Variants in HS6ST3 observed in about 807,000 individuals in gnomAD.
HS6ST3 encodes heparan-sulfate 6-O-sulfotransferase 3.
In HS6ST3, 12 loss-of-function variants were observed where a neutral mutation model predicts 36.7. That is an observed-to-expected ratio of 0.33 (90% CI 0.21 to 0.53). The LOEUF (loss-of-function observed/expected upper bound fraction) is 0.53, where lower values mean the gene tolerates loss of function less well. Among genes scored for constraint, HS6ST3 ranks in the 20% least tolerant of loss-of-function variants. The pLI, the probability that HS6ST3 is intolerant of heterozygous loss-of-function variation, is 0.95. For missense variants in HS6ST3, 584 were observed against 640.9 expected (o/e 0.91, Z 0.96); for synonymous variants, 240 against 257.5 (o/e 0.93, Z 0.65).
chr13:96,511,282 C>T (rs1221398174), intron 1 of HS6ST3, among the ~76,000 whole-genome samples: 1 of 151,966 alleles, frequency 6.6e-6, no homozygotes, highest in African/African-American at 2.4e-5. Flanking sequence ...TAGAGGTTGC[C>T]GGGTCAGAGT....
At chr13:96,702,654 G>A (rs1594840325) in intron 1 of HS6ST3, among the ~76,000 whole-genome samples, 1 of 152,118 alleles carries the variant, frequency 6.6e-6, no homozygotes, top group African/African-American at 2.4e-5. Flanking sequence ...TTGCTTGCAG[G>A]TACAGAAAAA....
At chr13:96,212,686 G>A (rs78342702) in intron 1 of HS6ST3, among the ~76,000 whole-genome samples, 1,755 of 152,190 alleles carry the variant, frequency 0.012, 36 homozygotes, top group African/African-American at 0.041. Flanking sequence ...TAGAGTTTAT[G>A]TTATTTTATC....
chr13:96,544,405 G>T (rs1029733293), intron 1 of HS6ST3, among the ~76,000 whole-genome samples: 3 of 152,178 alleles, frequency 2.0e-5, no homozygotes, highest in African/African-American at 7.2e-5. Context: ...CATGGCTAGT[G>T]TGTGGAAGAA....
At chr13:96,624,125 G>A (rs1032865715) in intron 1 of HS6ST3, among the ~76,000 whole-genome samples, 6 of 151,970 alleles carry the variant, frequency 3.9e-5, no homozygotes, top group African/African-American at 1.2e-4. Flanking sequence ...ATGCACACAC[G>A]TGTTTATGTG....
chr13:96,403,605 C>T (rs902743926), intron 1 of HS6ST3, among the ~76,000 whole-genome samples: 2 of 151,984 alleles, frequency 1.3e-5, no homozygotes, highest in Non-Finnish European at 2.9e-5. Flanking sequence ...AAAAAAAATC[C>T]CCGTGAGAAT....
Position 96,835,851 on chromosome 13 carries a change from A to T in HS6ST3, c.*2653A>T, listed in dbSNP as rs1566465442. 2 of 152,160 alleles carry T rather than the reference A, an allele frequency of 1.3e-5. No individual in the cohort carries two copies. Among genetic ancestry groups the T allele is most frequent in the Non-Finnish European group, 2.9e-5 (2 of 68,030 alleles). 9.4% of individuals were successfully genotyped at this position (152,160 alleles called of 1,614,324 possible). ...CTGAAGGCATGATGTATGCGGCTCC[A>T]CTTGAGACCAGGTATCAGGATGTTC... On this transcript the variant is annotated 3_prime_UTR_variant, in exon 2 of 2. Transcript: ENST00000376705.
At chr13:96,809,636 C>T (rs1878271922) in intron 1 of HS6ST3, among the ~76,000 whole-genome samples, 1 of 152,192 alleles carries the variant, frequency 6.6e-6, no homozygotes, top group Admixed American at 6.5e-5. Flanking sequence ...TGCAATGACT[C>T]TGAGCTCCCA....
intron 1 of HS6ST3, among the ~76,000 whole-genome samples, chr13:96,351,335 T>TTTTTTTTTTTTTTAAAAA (rs1203595829): frequency 1.4e-5 from 2 of 146,408 alleles, no homozygotes; most frequent in African/African-American, 5.2e-5. Flanking sequence ...TTTTTTTTTT[T>TTTTTTTTTTTTTTAAAAA]AAAAAAAACA....
intron 1 of HS6ST3, among the ~76,000 whole-genome samples, chr13:96,223,489 T>C (rs2054465451): frequency 6.6e-6 from 1 of 152,208 alleles, no homozygotes; most frequent in African/African-American, 2.4e-5. Context: ...GCAGTGTTGA[T>C]ATACACAGAG....
chr13:96,554,682 T>C (rs1220246316), intron 1 of HS6ST3, among the ~76,000 whole-genome samples: 7 of 152,132 alleles, frequency 4.6e-5, no homozygotes, highest in Non-Finnish European at 8.8e-5. Flanking sequence ...CCTCCAGGCA[T>C]GGAGCCTAGG....
intron 1 of HS6ST3, among the ~76,000 whole-genome samples, chr13:96,298,150 G>A (rs2054864223): frequency 6.6e-6 from 1 of 152,156 alleles, no homozygotes; most frequent in Non-Finnish European, 1.5e-5. Flanking sequence ...AAATGGTCCA[G>A]CTTGCTAGAT....
intron 1 of HS6ST3, among the ~76,000 whole-genome samples, chr13:96,387,652 G>C (rs2055375035): frequency 6.6e-6 from 1 of 152,046 alleles, no homozygotes; most frequent in Non-Finnish European, 1.5e-5. Context: ...TCTATACTGG[G>C]GGAAAATGTG....
intron 1 of HS6ST3, chr13:96,169,899 G>T (rs1010865050): frequency 1.3e-5 from 2 of 152,256 alleles, no homozygotes; most frequent in African/African-American, 2.4e-5. Flanking sequence ...AGGGGCTACA[G>T]ATGTGAGGAG....
At position 96,091,512 on chromosome 13, in the gene HS6ST3, A is replaced by G. The variant is rs1448166117; in HGVS notation, c.650A>G (p.Asn217Ser). 1.9e-6 allele frequency: 3 copies of G among 1,597,562 alleles called. No individual in the cohort carries two copies. Among genetic ancestry groups the G allele is most frequent in the Non-Finnish European group, 8.5e-7 (1 of 1,174,910 alleles). ...CACGCCGACTGGACGGAGCTCACCA[A>G]CTGCGTGCCGGCCATCATGGAGAAG... The part of the protein sequence containing the change: ...GLHADWTELT[N>S]CVPAIMEKKD... Residue 217 changes from asparagine (N) to serine (S), a missense_variant, in exon 1 of 2, where the codon AAC (asparagine) becomes AGC (serine). This residue lies in a region of HS6ST3 where 360 missense variants were observed against 411.3 expected (regional missense o/e 0.88). Transcript: ENST00000376705.
In HS6ST3 at chr13:96,725,670, ATGTG is replaced by A. The variant is rs371549749; in HGVS notation, c.708-106801_708-106798del. Among the ~76,000 whole-genome samples the A allele has an allele frequency of 5.4e-5, 8 of 148,514 alleles. No homozygotes were observed. In the East Asian group the frequency reaches 9.8e-4, roughly 18 times the overall value. ...AGAACACAGTTTTTCACTGAATTGC[ATGTG>A]TGTGTGTGTGTGTGTGTGATTGTGT... On this transcript the variant is annotated intron_variant, in intron 1 of 1. Transcript: ENST00000376705.
rs116409036 is a variant in HS6ST3 at position 96,224,751 on chromosome 13, G to A, written c.707+133182G>A. On this transcript the variant is annotated intron_variant, in intron 1 of 1. Coordinates refer to ENST00000376705, the MANE Select transcript of HS6ST3 (RefSeq NM_153456.4). ...TAGAATTAGGCAGTGCTTGGTCATC[G>A]AAGGTTACAGAGCCACCTAATTGTT... is the stretch of plus-strand genomic sequence containing the variant. 8.2e-3 allele frequency among the ~76,000 whole-genome samples: 1,244 copies of A among 152,312 alleles called. 21 individuals carry two copies. Among genetic ancestry groups the A allele is most frequent in the African/African-American group, 0.028 (1,174 of 41,568 alleles).
chr13:96,112,621 A>ATG, intron 1 of HS6ST3, among the ~76,000 whole-genome samples: 1 of 131,214 alleles, frequency 7.6e-6, no homozygotes, highest in African/African-American at 2.8e-5. Flanking sequence ...ATATATATAT[A>ATG]TGCCCGGCTG....
intron 1 of HS6ST3, among the ~76,000 whole-genome samples, chr13:96,759,357 G>T (rs935222544): frequency 2.0e-5 from 3 of 151,530 alleles, no homozygotes; most frequent in Non-Finnish European, 4.4e-5. Flanking sequence ...TCAGTTTTCT[G>T]TTTCTCCTTT....
Position 96,090,322 on chromosome 13 carries a change from G to C in HS6ST3, c.-541G>C, listed in dbSNP as rs947760929. Among the ~76,000 whole-genome samples, 5 of 148,166 alleles carry C rather than the reference G, an allele frequency of 3.4e-5. No homozygotes were observed. In the South Asian group the frequency reaches 8.3e-4, roughly 25 times the overall value. On this transcript the variant is annotated 5_prime_UTR_variant, in exon 1 of 2. Coordinates refer to ENST00000376705, the MANE Select transcript of HS6ST3 (RefSeq NM_153456.4). ...CGGCTCCACAGCCCCGCGACCTGCC[G>C]GCAAAGGCGCCGGGCGCGCGTGCCG...
Sources: gnomAD v4.1 joint callset for allele counts (sites outside exome capture counted in the v4.1 genomes callset) on GRCh38, gnomAD v4.1.1 for gene constraint, gnomAD v4.1.1 regional missense constraint, MANE v1.5 for transcripts, NCBI Gene and HGNC (gene_info 2026-07-23, HGNC 2026-07-21) for gene names.